The following EDC3 variants were observed in gnomAD, a reference collection of about 807,000 sequenced individuals.
The protein encoded by EDC3 is enhancer of mRNA decapping 3.
In EDC3, 20 loss-of-function variants were observed where a neutral mutation model predicts 41.8. The observed-to-expected ratio is 0.48, with a 90% CI of 0.34 to 0.70. The LOEUF is 0.70. Ranked by LOEUF, EDC3 falls within the 30% of genes least tolerant of loss-of-function variation. The pLI is 0.01. For missense variants in EDC3, 444 were observed against 636.8 expected (o/e 0.70, Z 3.26); for synonymous variants, 206 against 243.2 (o/e 0.85, Z 1.42).
chr15:74,658,624 GAAAAAA>G (rs60193835), intron 3 of EDC3, among the ~76,000 whole-genome samples: 3 of 39,044 alleles, frequency 7.7e-5, no homozygotes, highest in African/African-American at 3.0e-4. Flanking sequence ...TTACGTCTCT[GAAAAAA>G]AAAAAAAAAA....
chr15:74,635,953 C>G, intron 5 of EDC3: 1 of 323,378 alleles, frequency 3.1e-6, no homozygotes. Context: ...GTCTGCTCTT[C>G]TTCCCCAACG....
chr15:74,677,422 G>A (rs2062819191), intron 1 of EDC3, among the ~76,000 whole-genome samples: 1 of 147,290 alleles, frequency 6.8e-6, no homozygotes, highest in Admixed American at 6.9e-5. Context: ...AGGCTAGAGT[G>A]CAGTGGTACA....
At chr15:74,673,016 G>A (rs2062756995) in intron 2 of EDC3, among the ~76,000 whole-genome samples, 1 of 152,034 alleles carries the variant, frequency 6.6e-6, no homozygotes, top group Admixed American at 6.6e-5. Flanking sequence ...GGGGCTCAGA[G>A]ACTGAGGAAA....
intron 5 of EDC3, chr15:74,636,748 C>CTA (rs1251792385): frequency 1.3e-5 from 2 of 152,202 alleles, no homozygotes; most frequent in African/African-American, 4.8e-5. Flanking sequence ...ACAATCTACT[C>CTA]TATATTCCAG....
chr15:74,677,576 G>T (rs545982462), intron 1 of EDC3, among the ~76,000 whole-genome samples: 13 of 151,940 alleles, frequency 8.6e-5, no homozygotes, highest in Non-Finnish European at 1.6e-4. Context: ...TCACCATGTT[G>T]CCCAGGCTGG....
chr15:74,691,977 C>T (rs926605718), intron 1 of EDC3, among the ~76,000 whole-genome samples: 4 of 152,044 alleles, frequency 2.6e-5, no homozygotes, highest in African/African-American at 9.7e-5. Context: ...CCAACACGCC[C>T]GGCTAATTTT....
In EDC3 at chr15:74,671,877, A is replaced by G; in HGVS notation, c.165-103T>C. 1.7e-6 allele frequency: 2 copies of G among 1,187,676 alleles called. No individual in the cohort carries two copies. The highest frequency in any genetic ancestry group is 2.4e-6 in the Non-Finnish European group (2 of 830,722). The allele number at this position is 1,187,676 out of a possible 1,614,324, so 73.6% of individuals were successfully genotyped here. A position where few individuals can be genotyped will look rare whatever the true frequency, so the allele number is the denominator to read the frequency against. On this transcript the variant is annotated intron_variant, in intron 2 of 6. Transcript: ENST00000315127. This position sits in a 1 kb window ranked among gnomAD's most constrained non-coding sequence, Gnocchi z 4.6. ...CTACCCCTTTGCAGGACTGCATTTT[A>G]TTGAGTTATCAGAGGCTAGGAAAGG...
At chr15:74,635,327 G>C in intron 6 of EDC3, 82 bp downstream of exon 6, 1 of 1,352,628 alleles carries the variant, frequency 7.4e-7, no homozygotes, top group Non-Finnish European at 1.1e-6. Flanking sequence ...CTTTCCACCT[G>C]TCGCCACTGG....
chr15:74,661,691 A>T (rs2062622053), intron 3 of EDC3, among the ~76,000 whole-genome samples: 1 of 149,094 alleles, frequency 6.7e-6, no homozygotes, highest in South Asian at 2.1e-4. Context: ...AGATCGCGCC[A>T]CTGCACTCCA....
intron 3 of EDC3, among the ~76,000 whole-genome samples, chr15:74,665,784 T>C (rs550061942): frequency 6.6e-6 from 1 of 151,972 alleles, no homozygotes; most frequent in Non-Finnish European, 1.5e-5. Context: ...AGACAGATTA[T>C]ATTTCTTTCT....
At chr15:74,665,497 A>G (rs753835595) in intron 3 of EDC3, among the ~76,000 whole-genome samples, 7 of 152,178 alleles carry the variant, frequency 4.6e-5, no homozygotes, top group Non-Finnish European at 1.0e-4. Context: ...ATGGGATTTG[A>G]TAAATATGAA....
chr15:74,672,771 C>T (rs1244431809), intron 2 of EDC3, among the ~76,000 whole-genome samples: 1 of 151,618 alleles, frequency 6.6e-6, no homozygotes, highest in East Asian at 1.9e-4. Flanking sequence ...GCAGAGATCG[C>T]ACCACTGCAC....
At chr15:74,658,170 A>G (rs570278786) in intron 3 of EDC3, among the ~76,000 whole-genome samples, 1 of 152,202 alleles carries the variant, frequency 6.6e-6, no homozygotes, top group African/African-American at 2.4e-5. Flanking sequence ...CTGAACCTCT[A>G]TCACAGTCTA....
rs370160828 is a variant in EDC3, at chr15:74,659,821, C to T, written c.485-3753G>A. ...CAGCACTTTGGGAGGCTGAGGTGGG[C>T]GGATCATGAGGTCAGGAGATCGAGA... On this transcript the variant is annotated intron_variant, in intron 3 of 6. Coordinates refer to ENST00000315127, the MANE Select transcript of EDC3 (RefSeq NM_025083.5). Among the ~76,000 whole-genome samples the T allele has an allele frequency of 1.6e-3, 237 of 151,972 alleles. 1 individual carries two copies. Among genetic ancestry groups the T allele is most frequent in the African/African-American group, 5.3e-3 (218 of 41,482 alleles).
chr15:74,692,147 A>G (rs936010627), intron 1 of EDC3, among the ~76,000 whole-genome samples: 7 of 152,298 alleles, frequency 4.6e-5, no homozygotes, highest in African/African-American at 1.7e-4. Context: ...TTTTCTCACT[A>G]CAGTGAGAAT....
Position 74,671,814 on chromosome 15 carries a change from G to A in EDC3, c.165-40C>T, listed in dbSNP as rs1464443552. ...AAAGCCAAGTCTCAAAATTATAATA[G>A]TGGTAAGAATGATGAAACTGAGATC... is the stretch of plus-strand genomic sequence containing the variant. On this transcript the variant is annotated intron_variant, in intron 2 of 6. Transcript: ENST00000315127. This position sits in a 1 kb window ranked among gnomAD's most constrained non-coding sequence, Gnocchi z 4.6. The A allele has an allele frequency of 3.2e-6, 5 of 1,583,914 alleles. No homozygotes were observed. The East Asian group carries it at 6.7e-5, about 21-fold the overall frequency.
intron 4 of EDC3, among the ~76,000 whole-genome samples, chr15:74,650,889 A>G (rs2062472406): frequency 6.6e-6 from 1 of 152,102 alleles, no homozygotes; most frequent in African/African-American, 2.4e-5. Context: ...TCCCAGCTAC[A>G]TGGGAGGCTA....
At chr15:74,672,093 C>G (rs2062745656) in intron 2 of EDC3, among the ~76,000 whole-genome samples, 1 of 141,896 alleles carries the variant, frequency 7.0e-6, no homozygotes, top group African/African-American at 2.8e-5. Context: ...AACCCCGTCT[C>G]TACTAAAAAT....
chr15:74,682,172 A>G, intron 1 of EDC3, among the ~76,000 whole-genome samples: 1 of 152,202 alleles, frequency 6.6e-6, no homozygotes, highest in Middle Eastern at 3.2e-3. Context: ...ACATGCAATA[A>G]TTAGCCAAGT....
Sources: gnomAD v4.1 joint callset for allele counts (sites outside exome capture counted in the v4.1 genomes callset) on GRCh38, gnomAD v4.1.1 for gene constraint, Gnocchi (gnomAD v3.1) non-coding constraint, MANE v1.5 for transcripts, NCBI Gene and HGNC (gene_info 2026-07-23, HGNC 2026-07-21) for gene names.